Variants in FNTB observed in about 807,000 individuals in gnomAD.
FNTB encodes the protein farnesyltransferase, CAAX box, subunit beta, also known as protein farnesyltransferase subunit beta.
In FNTB, 27 loss-of-function variants were observed where a neutral mutation model predicts 59.4. The observed-to-expected ratio is 0.45, with a 90% confidence interval of 0.34 to 0.63. The LOEUF is 0.63. FNTB is among the 20% of genes least tolerant of loss of function. The pLI, the probability that FNTB is intolerant of heterozygous loss-of-function variation, is 0.02. For missense variants in FNTB, 449 were observed against 559.6 expected (o/e 0.80, Z 1.99); for synonymous variants, 230 against 220.7 (o/e 1.04, Z -0.37).
intron 1 of FNTB, among the ~76,000 whole-genome samples, chr14:65,000,712 C>T (rs1369616085): frequency 2.0e-5 from 3 of 147,784 alleles, no homozygotes; most frequent in Non-Finnish European, 3.0e-5. Flanking sequence ...CCCAGCTACT[C>T]GGGAGGCTGA....
At chr14:65,053,090 T>C (rs1041591278) in intron 9 of FNTB, 148 bp from the exon 10 acceptor site, 5 of 489,550 alleles carry the variant, frequency 1.0e-5, no homozygotes, top group Non-Finnish European at 1.6e-5. Flanking sequence ...GCGTAGGACA[T>C]GGGGAAGATA....
rs2296322 is a variant in FNTB at position 65,012,230 on chromosome 14, T to G, written c.210-87T>G. ...AGGGGGACGTCCTGAAGCTGAGTGTTTACCCGTGTGTGTGTACGTGCACAT... is the reference window on the plus strand; with the variant it reads ...AGGGGGACGTCCTGAAGCTGAGTGTGTACCCGTGTGTGTGTACGTGCACAT... On this transcript the variant is annotated intron_variant, in intron 2 of 11. Transcript: ENST00000246166. The surrounding 1 kb of genome is among the most constrained non-coding windows in gnomAD (Gnocchi z 5.0). 0.14 allele frequency: 215,672 copies of G among 1,544,180 alleles called. 15,734 individuals are homozygous for G. The highest frequency in any genetic ancestry group is 0.24 in the Admixed American group (14,009 of 58,876).
At chr14:65,041,090 G>T (rs112995565) in intron 8 of FNTB, among the ~76,000 whole-genome samples, 171 bp downstream of exon 8, 4 of 152,166 alleles carry the variant, frequency 2.6e-5, no homozygotes, top group African/African-American at 4.8e-5. Context: ...TCCCCCTTCT[G>T]CCTTTCTGTC....
intron 1 of FNTB, among the ~76,000 whole-genome samples, chr14:65,003,104 G>A (rs914293936): frequency 3.9e-5 from 6 of 152,074 alleles, no homozygotes; most frequent in African/African-American, 1.4e-4. Context: ...CATGTGGGGC[G>A]GTTTTAGCAT....
chr14:65,013,237 A>C (rs902248883), intron 3 of FNTB, among the ~76,000 whole-genome samples: 7 of 152,214 alleles, frequency 4.6e-5, no homozygotes, highest in African/African-American at 1.7e-4. Context: ...ACTGAGGCTA[A>C]CTGGAGACCC....
In FNTB at chr14:65,029,875, C is replaced by T. The variant is rs907605150; in HGVS notation, c.605+2094C>T. Among the ~76,000 whole-genome samples the T allele has an allele frequency of 6.6e-6, 1 of 152,216 alleles. No homozygotes were observed. The highest frequency in any genetic ancestry group is 2.1e-4 in the South Asian group (1 of 4,822). ...TGGACTGTAGTGTTCCAATAAAAGC[C>T]CTCTGGTTTCAGGGCTGGAGGGAGA... On this transcript the variant is annotated intron_variant, in intron 6 of 11. Coordinates refer to ENST00000246166, the MANE Select transcript of FNTB (RefSeq NM_002028.4). This position sits in a 1 kb window ranked among gnomAD's most constrained non-coding sequence, Gnocchi z 4.7.
At chr14:64,987,168 G>T (rs969810075) in intron 1 of FNTB, 71 bp downstream of exon 1, 3 of 1,569,182 alleles carry the variant, frequency 1.9e-6, no homozygotes, top group African/African-American at 1.3e-5. Flanking sequence ...TCGTAGGGCC[G>T]CCCGGGTGCG....
At chr14:65,046,723 T>A (rs1429171752) in intron 9 of FNTB, among the ~76,000 whole-genome samples, 1 of 152,054 alleles carries the variant, frequency 6.6e-6, no homozygotes, top group East Asian at 1.9e-4. Flanking sequence ...GGGGATGCAG[T>A]GTAGAAAGAT....
intron 4 of FNTB, among the ~76,000 whole-genome samples, chr14:65,020,572 T>C (rs1490351800): frequency 6.6e-6 from 1 of 151,630 alleles, no homozygotes; most frequent in Non-Finnish European, 1.5e-5. Context: ...ACTACAGGCA[T>C]ACAGGCGGGA....
intron 11 of FNTB, among the ~76,000 whole-genome samples, chr14:65,055,503 A>C (rs1307094964): frequency 6.6e-6 from 1 of 152,014 alleles, no homozygotes; most frequent in Non-Finnish European, 1.5e-5. Context: ...TGTTTAAAAA[A>C]ATTTTTTTTT....
At position 65,027,631 on chromosome 14, in the gene FNTB, A is replaced by G. The variant is rs775539960; in HGVS notation, c.521+32A>G. Reference sequence around the variant, plus strand: ...TGAAAGCCAGCAGTGACAGAAACCTAGAGGAGTTCCCCGCCTGCTGACACG... The same window carrying G: ...TGAAAGCCAGCAGTGACAGAAACCTGGAGGAGTTCCCCGCCTGCTGACACG... On this transcript the variant is annotated intron_variant, in intron 5 of 11. Transcript: ENST00000246166. This position sits in a 1 kb window ranked among gnomAD's most constrained non-coding sequence, Gnocchi z 5.7. 14 of 1,614,116 alleles carry G rather than the reference A, an allele frequency of 8.7e-6. No homozygotes were observed. The highest frequency in any genetic ancestry group is 1.2e-5 in the Non-Finnish European group (14 of 1,179,962).
rs2062008010 is a variant in FNTB at position 65,027,638 on chromosome 14, T to A, written c.521+39T>A. 6.2e-7 allele frequency: 1 copy of A among 1,613,836 alleles called. No homozygotes were observed. Among genetic ancestry groups the A allele is most frequent in the South Asian group, 1.1e-5 (1 of 91,060 alleles). ...CAGCAGTGACAGAAACCTAGAGGAG[T>A]TCCCCGCCTGCTGACACGCACTGAC... On this transcript the variant is annotated intron_variant, in intron 5 of 11. Coordinates refer to ENST00000246166, the MANE Select transcript of FNTB (RefSeq NM_002028.4). The surrounding 1 kb of genome is among the most constrained non-coding windows in gnomAD (Gnocchi z 5.7).
intron 9 of FNTB, among the ~76,000 whole-genome samples, chr14:65,046,465 TC>T (rs2062479801): frequency 6.6e-6 from 1 of 152,204 alleles, no homozygotes; most frequent in African/African-American, 2.4e-5. Context: ...GTCAAAGTCT[TC>T]CAGGGGGGCT....
intron 4 of FNTB, among the ~76,000 whole-genome samples, chr14:65,018,519 A>T (rs1281415065): frequency 6.6e-6 from 1 of 152,104 alleles, no homozygotes; most frequent in African/African-American, 2.4e-5. Flanking sequence ...TGATTTTATA[A>T]ACTTTCTGGG....
At chr14:65,036,515 G>T (rs1450873856) in intron 7 of FNTB, among the ~76,000 whole-genome samples, 1 of 151,926 alleles carries the variant, frequency 6.6e-6, no homozygotes, top group Non-Finnish European at 1.5e-5. Flanking sequence ...GGGATTATAG[G>T]CGTGAGCCAC....
chr14:65,045,829 C>T lies in FNTB; in HGVS notation c.955+1386C>T, dbSNP rs144371016. The stretch of plus-strand genomic sequence containing the variant: ...GTCCCATTTTCCCGGCCTGGGCCCA[C>T]TGGGCTTTAGGTGTCAGTATTAAGG... On this transcript the variant is annotated intron_variant, in intron 9 of 11. Coordinates refer to ENST00000246166, the MANE Select transcript of FNTB (RefSeq NM_002028.4). 1.6e-3 allele frequency among the ~76,000 whole-genome samples: 245 copies of T among 152,306 alleles called. 1 individual carries two copies. Among genetic ancestry groups the T allele is most frequent in the African/African-American group, 5.9e-3 (244 of 41,548 alleles).
chr14:65,051,719 C>T (rs1013928734), intron 9 of FNTB, among the ~76,000 whole-genome samples: 19 of 151,790 alleles, frequency 1.3e-4, no homozygotes, highest in Admixed American at 6.6e-4. Flanking sequence ...TCTTTTCCCC[C>T]GTTTTTCTTT....
At chr14:65,052,633 C>T (rs973058698) in intron 9 of FNTB, among the ~76,000 whole-genome samples, 5 of 152,146 alleles carry the variant, frequency 3.3e-5, no homozygotes, top group Admixed American at 6.5e-5. Context: ...AGTAGTATTA[C>T]CAGAATACCC....
chr14:65,045,813 T>A (rs1482270185), intron 9 of FNTB, among the ~76,000 whole-genome samples: 1 of 152,148 alleles, frequency 6.6e-6, no homozygotes, highest in Non-Finnish European at 1.5e-5. Context: ...TGTCCCATTT[T>A]CCCGGCCTGG....
Sources: gnomAD v4.1 joint callset for allele counts (sites outside exome capture counted in the v4.1 genomes callset) on GRCh38, gnomAD v4.1.1 for gene constraint, Gnocchi (gnomAD v3.1) non-coding constraint, MANE v1.5 for transcripts, NCBI Gene and HGNC (gene_info 2026-07-23, HGNC 2026-07-21) for gene names.